Variants in IST1 observed in about 807,000 individuals in gnomAD.
IST1 encodes IST1 homolog.
IST1 carries 23 observed loss-of-function variants against 37.0 expected under a neutral mutation model. The observed-to-expected ratio is 0.62, with a 90% confidence interval of 0.45 to 0.88. The LOEUF is 0.88. Ranked by LOEUF, IST1 falls within the 40% of genes least tolerant of loss-of-function variation. The probability of loss-of-function intolerance (pLI) is 0.00; values close to 1 mark genes in which losing one functional copy is unlikely to be tolerated. For missense variants in IST1, 488 were observed against 445.4 expected (o/e 1.10, Z -0.86); for synonymous variants, 180 against 161.7 (o/e 1.11, Z -0.86).
At chr16:71,925,316 A>ATTTT (rs772300347) in intron 9 of IST1, among the ~76,000 whole-genome samples, 1 of 78,812 alleles carries the variant, frequency 1.3e-5, no homozygotes, top group African/African-American at 4.7e-5. Flanking sequence ...CCCCCAGCTG[A>ATTTT]TTTTTTTTTT....
chr16:71,906,212 C>G (rs1444989704), intron 1 of IST1, among the ~76,000 whole-genome samples: 1 of 151,554 alleles, frequency 6.6e-6, no homozygotes. Context: ...GCTGTGTTAG[C>G]CAGGATGGTC....
Position 71,926,692 on chromosome 16 carries a change from C to G in IST1, c.902-922C>G, listed in dbSNP as rs188039087. Among the ~76,000 whole-genome samples the G allele has an allele frequency of 2.7e-3, 413 of 152,246 alleles. 2 individuals are homozygous for G. Among genetic ancestry groups the G allele is most frequent in the Middle Eastern group, 0.02 (6 of 294 alleles). On this transcript the variant is annotated intron_variant, in intron 9 of 9. Transcript: ENST00000378799. The stretch of plus-strand genomic sequence containing the variant: ...TACACAGACAATTCCACTCTCTGAT[C>G]AAGGTATACAACATTACTCTTACCT...
At position 71,920,832 on chromosome 16, in the gene IST1, A is replaced by G. The variant is rs766010448; in HGVS notation, c.441+10A>G. The G allele has an allele frequency of 2.6e-5, 41 of 1,592,720 alleles. No homozygotes were observed. Among genetic ancestry groups the G allele is most frequent in the Non-Finnish European group, 3.4e-5 (40 of 1,160,558 alleles). On this transcript the variant is annotated intron_variant, in intron 5 of 9. Transcript: ENST00000378799. ...AACTGTGAATGACAGGGTAATGAAC[A>G]TACTTGGTAAACATGAAGGCAGTGT...
At chr16:71,899,495 T>C (rs1033573152) in intron 1 of IST1, among the ~76,000 whole-genome samples, 8 of 152,232 alleles carry the variant, frequency 5.3e-5, no homozygotes, top group African/African-American at 1.9e-4. Flanking sequence ...TGTGTCTGTT[T>C]CTACTCTAAC....
intron 1 of IST1, among the ~76,000 whole-genome samples, chr16:71,908,640 C>G (rs930455026): frequency 1.3e-5 from 2 of 152,138 alleles, no homozygotes; most frequent in African/African-American, 2.4e-5. Flanking sequence ...TTGGTGTTGT[C>G]TCAGGTTGAT....
intron 9 of IST1, among the ~76,000 whole-genome samples, chr16:71,926,001 G>A (rs939185732): frequency 2.0e-5 from 3 of 152,060 alleles, no homozygotes; most frequent in African/African-American, 7.2e-5. Flanking sequence ...AAAATTAGAG[G>A]CCGGGTGCGG....
rs778204228 is a variant in IST1, at chr16:71,915,583, A to G, written c.-15-43A>G. On this transcript the variant is annotated intron_variant, in intron 1 of 9. Transcript: ENST00000378799. ...CCTAAGAGGTGTTAGTTCCTGAACT[A>G]ATGTTGACTTGAAAATAGTCATTGT... 6 of 1,383,192 alleles carry G rather than the reference A, an allele frequency of 4.3e-6. No individual in the cohort carries two copies. In the African/African-American group the frequency reaches 8.7e-5, roughly 20 times the overall value. The allele number at this position is 1,383,192 out of a possible 1,614,324, so 85.7% of individuals were successfully genotyped here.
At chr16:71,922,358 A>C (rs1295871042) in intron 6 of IST1, 116 bp from the exon 7 acceptor site, 3 of 824,494 alleles carry the variant, frequency 3.6e-6, no homozygotes, top group Non-Finnish European at 6.0e-6. Flanking sequence ...ACAGGTGTTG[A>C]TCCCAGAAGC....
upstream of IST1, chr16:71,894,505 CA>C: frequency 4.6e-6 from 1 of 219,758 alleles, no homozygotes; most frequent in South Asian, 7.0e-5. Flanking sequence ...CTCGGCCTCC[CA>C]AAATGTTGAG....
upstream of IST1, chr16:71,894,901 G>A (rs748408385): frequency 7.5e-7 from 1 of 1,340,930 alleles, no homozygotes; most frequent in South Asian, 1.3e-5. Context: ...AGATAAATTA[G>A]GGAAATCGCC....
chr16:71,917,024 T>C (rs1597249287), intron 3 of IST1, 23 bp from the exon 4 acceptor site: 1 of 1,479,434 alleles, frequency 6.8e-7, no homozygotes, highest in Non-Finnish European at 9.4e-7. Flanking sequence ...AAGAATGTTA[T>C]ATTAATTTTT....
chr16:71,917,836 C>A (rs1597250025), intron 4 of IST1, among the ~76,000 whole-genome samples: 1 of 151,858 alleles, frequency 6.6e-6, no homozygotes, highest in Admixed American at 6.6e-5. Context: ...ACAATTTTTT[C>A]TAAGTCTCTG....
At chr16:71,895,370 C>A, upstream of IST1, 1 of 226,746 alleles carries the variant, frequency 4.4e-6, no homozygotes, top group South Asian at 1.5e-4. Context: ...AGTCCCCGGC[C>A]GCGCCGACTC....
At chr16:71,920,902 C>T in intron 5 of IST1, 80 bp downstream of exon 5, 1 of 980,060 alleles carries the variant, frequency 1.0e-6, no homozygotes, top group Non-Finnish European at 1.7e-6. Context: ...CTAGTGGGTA[C>T]CACTGTATTG....
At chr16:71,921,184 G>A (rs1203329403) in intron 5 of IST1, 159 bp from the exon 6 acceptor site, 1 of 614,076 alleles carries the variant, frequency 1.6e-6, no homozygotes, top group Non-Finnish European at 2.9e-6. Flanking sequence ...TGGGTCCTCT[G>A]ATGTGTCTTG....
At chr16:71,909,783 C>CTG (rs2037311272) in intron 1 of IST1, among the ~76,000 whole-genome samples, 1 of 152,208 alleles carries the variant, frequency 6.6e-6, no homozygotes, top group African/African-American at 2.4e-5. Context: ...AGAAATGTCA[C>CTG]TGTTTACTTG....
intron 9 of IST1, 124 bp downstream of exon 9, chr16:71,924,941 C>G (rs1174011852): frequency 4.5e-6 from 3 of 665,844 alleles, no homozygotes; most frequent in East Asian, 2.7e-5. Flanking sequence ...GCCCTGTTCT[C>G]TTCCCAAATG....
In IST1 at chr16:71,927,980, C is replaced by G. The variant is rs770892971; in HGVS notation, c.*167C>G. On this transcript the variant is annotated 3_prime_UTR_variant, in exon 10 of 10. Coordinates refer to ENST00000378799, the MANE Select transcript of IST1 (RefSeq NM_001270975.2). ...CTCCAGATTCTGCTGCTTTCCAGTT[C>G]TCTGTTGATCCTGAGACTAACAATT... The G allele has an allele frequency of 1.7e-6, 1 of 602,408 alleles. No homozygotes were observed. The highest frequency in any genetic ancestry group is 2.9e-6 in the Non-Finnish European group (1 of 339,024). The allele number at this position is 602,408 out of a possible 1,614,324, so 37.3% of individuals were successfully genotyped here.
chr16:71,919,074 AACC>A (rs927617637), intron 4 of IST1, among the ~76,000 whole-genome samples: 1 of 152,148 alleles, frequency 6.6e-6, no homozygotes, highest in African/African-American at 2.4e-5. Flanking sequence ...ATTCCATCAG[AACC>A]ACCTGAGGGT....
Sources: gnomAD v4.1 joint callset for allele counts (sites outside exome capture counted in the v4.1 genomes callset) on GRCh38, gnomAD v4.1.1 for gene constraint, MANE v1.5 for transcripts, NCBI Gene and HGNC (gene_info 2026-07-23, HGNC 2026-07-21) for gene names.